PARN: variants seen among roughly 807,000 people sequenced by gnomAD.
PARN encodes the protein poly(A)-specific ribonuclease.
A neutral mutation model predicts 102.8 loss-of-function variants in PARN; 71 were observed. That is an observed-to-expected ratio of 0.69 (90% confidence interval 0.57 to 0.84). The LOEUF is 0.84. Among genes scored for constraint, PARN ranks in the 40% least tolerant of loss-of-function variants. PARN has a pLI of 0.00. For missense variants in PARN, 782 were observed against 760.9 expected, an observed-to-expected ratio of 1.03 and a Z score of -0.33; for synonymous variants, 261 against 252.9, an observed-to-expected ratio of 1.03 and a Z score of -0.30.
chr16:14,452,573 G>A (rs997035010), intron 22 of PARN, among the ~76,000 whole-genome samples: 7 of 152,162 alleles, frequency 4.6e-5, no homozygotes, highest in African/African-American at 1.7e-4. Flanking sequence ...CTGACCTCAG[G>A]AGATCTGCCT....
chr16:14,590,714 T>C (rs1284838760), intron 13 of PARN, among the ~76,000 whole-genome samples: 2 of 151,608 alleles, frequency 1.3e-5, no homozygotes, highest in East Asian at 3.9e-4. Context: ...AGTCTTTGAG[T>C]CCTAAAAGGT....
chr16:14,571,999 C>G (rs766201027), intron 18 of PARN, among the ~76,000 whole-genome samples: 2 of 152,138 alleles, frequency 1.3e-5, no homozygotes, highest in Non-Finnish European at 2.9e-5. Flanking sequence ...ACACTGACAG[C>G]TATATGCTTA....
chr16:14,472,532 C>T (rs1409367914), intron 22 of PARN, among the ~76,000 whole-genome samples: 1 of 152,290 alleles, frequency 6.6e-6, no homozygotes, highest in African/African-American at 2.4e-5. Flanking sequence ...GCCAACTAGA[C>T]CTAGCCAAAA....
intron 21 of PARN, among the ~76,000 whole-genome samples, chr16:14,500,064 T>C (rs983828561): frequency 6.6e-6 from 1 of 152,146 alleles, no homozygotes; most frequent in African/African-American, 2.4e-5. Context: ...TTTTTTTCAT[T>C]CTTTGTTTTT....
chr16:14,581,223 T>G (rs1349760261), intron 17 of PARN, among the ~76,000 whole-genome samples: 2 of 151,912 alleles, frequency 1.3e-5, no homozygotes, highest in African/African-American at 4.9e-5. Context: ...CAGCTAATTT[T>G]GTATTTTTAG....
chr16:14,616,545 G>A (rs949160201), intron 6 of PARN, among the ~76,000 whole-genome samples: 1 of 152,128 alleles, frequency 6.6e-6, no homozygotes, highest in African/African-American at 2.4e-5. Flanking sequence ...CAGGAGTTTG[G>A]GACCAGCCTG....
intron 21 of PARN, among the ~76,000 whole-genome samples, chr16:14,548,243 G>A (rs962960066): frequency 4.0e-5 from 6 of 148,984 alleles, no homozygotes; most frequent in African/African-American, 9.9e-5. Flanking sequence ...GCAAGACTCC[G>A]TCTCAAAAAA....
chr16:14,548,289 A>G (rs1967086403), intron 21 of PARN, among the ~76,000 whole-genome samples: 1 of 151,440 alleles, frequency 6.6e-6, no homozygotes, highest in Non-Finnish European at 1.5e-5. Flanking sequence ...CACATCAGAT[A>G]CCCTGGGTCC....
chr16:14,611,309 T>C (rs543777059), intron 6 of PARN, among the ~76,000 whole-genome samples: 11 of 152,286 alleles, frequency 7.2e-5, no homozygotes, highest in East Asian at 5.8e-4. Flanking sequence ...CAGCATCACA[T>C]TGGAGAGAGT....
rs893862954 is a variant in PARN at position 14,492,258 on chromosome 16, C to T, written c.1481-9431G>A. 2.6e-5 allele frequency among the ~76,000 whole-genome samples: 4 copies of T among 152,178 alleles called. No homozygotes were observed. The South Asian group carries it at 8.3e-4, about 32-fold the overall frequency. Reference sequence around the variant, plus strand: ...AAGATAGTGGAGGACGGCATTCCTTCCTCTCTGCTTTCTCAGGGCCTCCAT... The same window carrying T: ...AAGATAGTGGAGGACGGCATTCCTTTCTCTCTGCTTTCTCAGGGCCTCCAT... On this transcript the variant is annotated intron_variant, in intron 21 of 23. Coordinates refer to ENST00000437198, the MANE Select transcript of PARN (RefSeq NM_002582.4).
At chr16:14,576,070 A>C (rs1312931588) in intron 18 of PARN, 1 of 152,506 alleles carries the variant, frequency 6.6e-6, no homozygotes, top group Non-Finnish European at 1.5e-5. Context: ...AGTCCAATAA[A>C]CCTCTTTATT....
chr16:14,608,056 G>A (rs1379533643), intron 9 of PARN: 4 of 551,432 alleles, frequency 7.3e-6, no homozygotes, highest in East Asian at 3.2e-5. Context: ...CTTAACAGAT[G>A]CACCAAAGTG....
At position 14,586,269 on chromosome 16, in the gene PARN, G is replaced by A. The variant is rs895071720; in HGVS notation, c.962+49C>T. The A allele has an allele frequency of 2.6e-6, 3 of 1,142,346 alleles. No homozygotes were observed. The East Asian group carries it at 7.7e-5, about 29-fold the overall frequency. 70.8% of individuals were successfully genotyped at this position (1,142,346 alleles called of 1,614,324 possible). On this transcript the variant is annotated intron_variant, in intron 14 of 23. Coordinates refer to ENST00000437198, the MANE Select transcript of PARN (RefSeq NM_002582.4). ...TGGGATTATAGGTGTGAGCCACCGT[G>A]CCCAGCCAACTTTTTTAAAAGAAAG...
intron 11 of PARN, among the ~76,000 whole-genome samples, chr16:14,600,850 A>C (rs1343549255): frequency 2.0e-5 from 3 of 152,136 alleles, no homozygotes; most frequent in African/African-American, 7.2e-5. Flanking sequence ...GAATCGCTTG[A>C]ACCCGGGAGA....
intron 21 of PARN, among the ~76,000 whole-genome samples, chr16:14,486,182 CCATTCTCCA>C (rs1364660143): frequency 6.6e-6 from 1 of 152,064 alleles, no homozygotes; most frequent in African/African-American, 2.4e-5. Context: ...GGGCAAAACC[CCATTCTCCA>C]CACACACACA....
At chr16:14,532,174 A>AT (rs35785901) in intron 21 of PARN, among the ~76,000 whole-genome samples, 16,876 of 138,242 alleles carry the variant, frequency 0.12, 1,233 homozygotes, top group Non-Finnish European at 0.17. Flanking sequence ...TCAAACTCTG[A>AT]TTTTTTTTTT....
chr16:14,498,557 C>T (rs1174860392), intron 21 of PARN, among the ~76,000 whole-genome samples: 2 of 152,090 alleles, frequency 1.3e-5, no homozygotes, highest in African/African-American at 4.8e-5. Context: ...AGCTCCAGGA[C>T]ACATCATACA....
In PARN at chr16:14,570,321, C is replaced by CAA. The variant is rs59965954; in HGVS notation, c.1262+10551_1262+10552dup. Among the ~76,000 whole-genome samples the CAA allele has an allele frequency of 3.6e-4, 23 of 63,056 alleles. 1 individual carries two copies. Among genetic ancestry groups the CAA allele is most frequent in the East Asian group, 1.8e-3 (3 of 1,646 alleles). The allele number at this position is 63,056 out of a possible 152,430, so 41.4% of individuals were successfully genotyped here. A position where few individuals can be genotyped will look rare whatever the true frequency, so the allele number is the denominator to read the frequency against. Reference sequence around the variant, plus strand: ...TAGGTGGCAGAGCGAGACTCTGTCTCAAAAAAAAAAAAAAAAAAAAAAAAA... The same window carrying CAA: ...TAGGTGGCAGAGCGAGACTCTGTCTCAAAAAAAAAAAAAAAAAAAAAAAAAAA... On this transcript the variant is annotated intron_variant, in intron 18 of 23. Coordinates refer to ENST00000437198, the MANE Select transcript of PARN (RefSeq NM_002582.4).
intron 14 of PARN, among the ~76,000 whole-genome samples, chr16:14,585,975 T>C (rs1969826422): frequency 6.6e-6 from 1 of 150,464 alleles, no homozygotes; most frequent in Non-Finnish European, 1.5e-5. Context: ...TATGTCACAA[T>C]GACTCTTTTT....
Sources: gnomAD v4.1 joint callset for allele counts (sites outside exome capture counted in the v4.1 genomes callset) on GRCh38, gnomAD v4.1.1 for gene constraint, MANE v1.5 for transcripts, NCBI Gene and HGNC (gene_info 2026-07-23, HGNC 2026-07-21) for gene names.